Variants in ANKUB1 observed in about 807,000 individuals in gnomAD.
ANKUB1 encodes the protein ankyrin repeat and ubiquitin domain containing 1.
In ANKUB1, 42 loss-of-function variants were observed where a neutral mutation model predicts 49.3. The observed-to-expected ratio is 0.85, with a 90% CI of 0.67 to 1.10. The LOEUF (loss-of-function observed/expected upper bound fraction) is 1.10. Ranked by LOEUF, ANKUB1 falls within the 50% of genes least tolerant of loss-of-function variation. The pLI is 0.00. For missense variants in ANKUB1, 613 were observed against 642.0 expected (o/e 0.95, Z 0.49); for synonymous variants, 222 against 231.0 (o/e 0.96, Z 0.35).
chr3:149,792,352 G>C lies in ANKUB1; in HGVS notation c.15C>G (p.Ile5Met). 6.6e-7 allele frequency: 1 copy of C among 1,511,614 alleles called. No homozygotes were observed. Among genetic ancestry groups the C allele is most frequent in the Non-Finnish European group, 8.9e-7 (1 of 1,125,784 alleles). 93.6% of individuals were successfully genotyped at this position (1,511,614 alleles called of 1,614,324 possible). ...ACGGTTCAAAAGATCCTTCAAAGGCGATGAAAATCCTCATTGTACAATTAC... is the reference window on the plus strand; with the variant it reads ...ACGGTTCAAAAGATCCTTCAAAGGCCATGAAAATCCTCATTGTACAATTAC... MRIF[I>M]AFEGSFEPFD... Residue 5 changes from isoleucine (I) to methionine (M), a missense_variant, in exon 1 of 6, where the codon ATC becomes ATG. Coordinates refer to ENST00000446160, the MANE Select transcript of ANKUB1 (RefSeq NM_001144960.3).
chr3:149,779,710 T>C (rs1346100017), intron 3 of ANKUB1: 1 of 155,578 alleles, frequency 6.4e-6, no homozygotes, highest in Non-Finnish European at 1.4e-5. Context: ...CTTGCATTTA[T>C]ACATGCTTGA....
intron 2 of ANKUB1, among the ~76,000 whole-genome samples, chr3:149,782,357 G>A (rs896585244): frequency 4.6e-5 from 7 of 151,500 alleles, no homozygotes; most frequent in Non-Finnish European, 8.8e-5. Flanking sequence ...TGAGTAGCTG[G>A]GGAAAGAATT....
chr3:149,766,568 G>A (rs1717022856), intron 5 of ANKUB1: 1 of 382,946 alleles, frequency 2.6e-6, no homozygotes, highest in African/African-American at 2.1e-5. Context: ...GGGAGGCCAA[G>A]GTGGGAGGAT....
At chr3:149,762,979 T>G (rs1402480125) in intron 5 of ANKUB1, among the ~76,000 whole-genome samples, 1 of 152,234 alleles carries the variant, frequency 6.6e-6, no homozygotes, top group Non-Finnish European at 1.5e-5. Flanking sequence ...CTGCCCATGT[T>G]GTCTGGCAAA....
intron 2 of ANKUB1, among the ~76,000 whole-genome samples, chr3:149,787,038 A>T (rs906088660): frequency 6.6e-6 from 1 of 152,164 alleles, no homozygotes. Flanking sequence ...TTGGCTTAGG[A>T]TCATCTTGGC....
Position 149,761,219 on chromosome 3 carries a change from T to A in ANKUB1, c.*265A>T, listed in dbSNP as rs1716770565. Reference sequence around the variant, plus strand: ...TCCCACTTCCTTGTTTTCCATTGTCTCAGCTCCCCTACCCTGTGGACAACT... The same window carrying A: ...TCCCACTTCCTTGTTTTCCATTGTCACAGCTCCCCTACCCTGTGGACAACT... On this transcript the variant is annotated 3_prime_UTR_variant, in exon 6 of 6. Coordinates refer to ENST00000446160, the MANE Select transcript of ANKUB1 (RefSeq NM_001144960.3). 1 of 260,574 alleles carries A rather than the reference T, an allele frequency of 3.8e-6. No individual in the cohort carries two copies. The highest frequency in any genetic ancestry group is 1.7e-4 in the South Asian group (1 of 6,010). 16.1% of individuals were successfully genotyped at this position (260,574 alleles called of 1,614,324 possible). A position where few individuals can be genotyped will look rare whatever the true frequency, so the allele number is the denominator to read the frequency against.
At chr3:149,785,225 A>T (rs894534776) in intron 2 of ANKUB1, among the ~76,000 whole-genome samples, 1 of 152,170 alleles carries the variant, frequency 6.6e-6, no homozygotes, top group African/African-American at 2.4e-5. Context: ...GTTCTTTTCC[A>T]AAGAAGGAAA....
At chr3:149,775,665 G>A (rs1007287974) in intron 3 of ANKUB1, among the ~76,000 whole-genome samples, 1 of 152,032 alleles carries the variant, frequency 6.6e-6, no homozygotes, top group Non-Finnish European at 1.5e-5. Context: ...GTACCAATTG[G>A]TATCATCTGT....
In ANKUB1 at chr3:149,768,155, A is replaced by G. The variant is rs1012755050; in HGVS notation, c.567-60T>C. ...AGAAAATCAGCAAACAGACAAATGT[A>G]GTTACACTAAATGCTCATGAAATAT... On this transcript the variant is annotated intron_variant, in intron 4 of 5. Coordinates refer to ENST00000446160, the MANE Select transcript of ANKUB1 (RefSeq NM_001144960.3). The G allele has an allele frequency of 1.9e-5, 21 of 1,114,788 alleles. No homozygotes were observed. In the African/African-American group the frequency reaches 2.3e-4, roughly 12 times the overall value. 69.1% of individuals were successfully genotyped at this position (1,114,788 alleles called of 1,614,324 possible).
chr3:149,767,278 G>C lies in ANKUB1; in HGVS notation c.1384C>G (p.Pro462Ala). ...CTGGGTGTTGCATAGAAAAACGATG[G>C]ATGTGAATATCCCACTCTTGAAACT... is the stretch of plus-strand genomic sequence containing the variant. ...PPVSRVGYSHPSFFYATPSAD... is the reference protein window; with the variant it reads ...PPVSRVGYSHASFFYATPSAD... Residue 462 changes from proline to alanine, a missense_variant, in exon 5 of 6, where the codon CCA (proline) becomes GCA (alanine). Coordinates refer to ENST00000446160, the MANE Select transcript of ANKUB1 (RefSeq NM_001144960.3). 1.3e-6 allele frequency: 2 copies of C among 1,551,690 alleles called. No individual in the cohort carries two copies. The highest frequency in any genetic ancestry group is 1.7e-6 in the Non-Finnish European group (2 of 1,146,990).
chr3:149,773,677 T>C (rs1717459040), intron 3 of ANKUB1, among the ~76,000 whole-genome samples: 1 of 152,220 alleles, frequency 6.6e-6, no homozygotes, highest in Non-Finnish European at 1.5e-5. Flanking sequence ...TGCATTTATT[T>C]TATCTCCTGC....
chr3:149,767,445 T>C lies in ANKUB1; in HGVS notation c.1217A>G (p.Lys406Arg). ...SQPDTRKQAL[K>R]FHPLVNASSF... Reference sequence around the variant, plus strand: ...ACTTGCATTCACCAGTGGATGAAATTTGAGGGCTTGTTTTCTTGTGTCCGG... The same window carrying C: ...ACTTGCATTCACCAGTGGATGAAATCTGAGGGCTTGTTTTCTTGTGTCCGG... Residue 406 changes from lysine (K) to arginine (R), a missense_variant, in exon 5 of 6, where the codon AAA (lysine) becomes AGA (arginine). Physicochemically the swap from Lys to Arg is conservative, Grantham distance 26. Transcript: ENST00000446160. 1 of 1,551,748 alleles carries C rather than the reference T, an allele frequency of 6.4e-7. No homozygotes were observed. Among genetic ancestry groups the C allele is most frequent in the South Asian group, 1.2e-5 (1 of 84,068 alleles).
chr3:149,774,459 C>A (rs1717500789), intron 3 of ANKUB1, among the ~76,000 whole-genome samples: 1 of 152,190 alleles, frequency 6.6e-6, no homozygotes, highest in African/African-American at 2.4e-5. Flanking sequence ...CCTTCCCCTG[C>A]TGGATGTCTA....
At chr3:149,792,243 A>G (rs1460560707) in intron 1 of ANKUB1, 34 bp downstream of exon 1, 1 of 1,404,442 alleles carries the variant, frequency 7.1e-7, no homozygotes, top group Non-Finnish European at 9.5e-7. Flanking sequence ...TAAAATTAAT[A>G]TACATTTTGG....
At chr3:149,783,382 G>C (rs1717952870) in intron 2 of ANKUB1, 1 of 152,136 alleles carries the variant, frequency 6.6e-6, no homozygotes, top group African/African-American at 2.4e-5. Context: ...TACAAAATTA[G>C]ACTTTTTCCT....
chr3:149,775,550 G>C (rs980599972), intron 3 of ANKUB1, among the ~76,000 whole-genome samples: 1 of 152,246 alleles, frequency 6.6e-6, no homozygotes, highest in Non-Finnish European at 1.5e-5. Context: ...AGCCAGCTCA[G>C]ATTTCAGGAT....
intron 2 of ANKUB1, among the ~76,000 whole-genome samples, chr3:149,788,672 G>C (rs936974985): frequency 6.6e-6 from 1 of 152,082 alleles, no homozygotes; most frequent in African/African-American, 2.4e-5. Context: ...ATGCTTTATT[G>C]GCAGAATTTA....
chr3:149,787,549 A>G (rs2108281218), intron 2 of ANKUB1, among the ~76,000 whole-genome samples: 1 of 152,242 alleles, frequency 6.6e-6, no homozygotes, highest in East Asian at 1.9e-4. Flanking sequence ...TTCCTAATTG[A>G]ATACCCTTTA....
intron 3 of ANKUB1, among the ~76,000 whole-genome samples, chr3:149,774,022 A>G (rs1358159641): frequency 6.6e-6 from 1 of 152,186 alleles, no homozygotes; most frequent in African/African-American, 2.4e-5. Flanking sequence ...GTAGGTCAGT[A>G]ACTCAGAGGG....
Sources: allele counts gnomAD v4.1 joint callset (sites outside exome capture counted in the v4.1 genomes callset), GRCh38; gene constraint gnomAD v4.1.1; transcripts MANE v1.5; gene names NCBI Gene and HGNC (gene_info 2026-07-23, HGNC 2026-07-21).